DEFB129: variants seen among roughly 807,000 people sequenced by gnomAD.
DEFB129 encodes defensin beta 129, also known as beta-defensin 129.
In DEFB129, 2 loss-of-function variants were observed where a neutral mutation model predicts 2.5. The observed-to-expected ratio is 0.80, with a 90% CI of 0.33 to 2.53. The LOEUF is 2.53. DEFB129 is among the 30% of genes most tolerant of loss of function. The probability of loss-of-function intolerance (pLI) is 0.11; values close to 1 mark genes in which losing one functional copy is unlikely to be tolerated. For missense variants in DEFB129, 177 were observed against 216.9 expected, an observed-to-expected ratio of 0.82 and a Z score of 1.16; for synonymous variants, 76 against 74.4, an observed-to-expected ratio of 1.02 and a Z score of -0.11.
intron 1 of DEFB129, among the ~76,000 whole-genome samples, chr20:228,201 C>G (rs1328800553): frequency 6.6e-6 from 1 of 152,138 alleles, no homozygotes; most frequent in East Asian, 1.9e-4. Flanking sequence ...AATCATCCAG[C>G]TATTTGAAAA....
In DEFB129 at chr20:229,465, G is replaced by A. The variant is rs773131208; in HGVS notation, c.246G>A (p.Met82Ile). Residue 82 changes from methionine to isoleucine, a missense_variant, in exon 2 of 2, where the codon ATG becomes ATA. Coordinates refer to ENST00000246105, the MANE Select transcript of DEFB129 (RefSeq NM_080831.4). ...PNVLNEDVQE[M>I]LKPAKNSSAV... ...TACTTAATGAAGACGTCCAAGAAAT[G>A]CTAAAACCTGCCAAGAATTCTAGTG... 1 of 1,614,112 alleles carries A rather than the reference G, an allele frequency of 6.2e-7. No homozygotes were observed. The highest frequency in any genetic ancestry group is 1.1e-5 in the South Asian group (1 of 91,084).
intron 1 of DEFB129, among the ~76,000 whole-genome samples, 173 bp from the exon 2 acceptor site, chr20:229,105 G>T (rs1410076079): frequency 6.6e-6 from 1 of 152,132 alleles, no homozygotes; most frequent in Non-Finnish European, 1.5e-5. Flanking sequence ...GATTCAAGAG[G>T]GGCATAGAGA....
At chr20:228,513 CT>C (rs1255355310) in intron 1 of DEFB129, among the ~76,000 whole-genome samples, 1 of 152,108 alleles carries the variant, frequency 6.6e-6, no homozygotes, top group Non-Finnish European at 1.5e-5. Context: ...ACATAAATCT[CT>C]TGTAATTTAG....
rs568109542 is a variant in DEFB129, at chr20:229,501, A to G, written c.282A>G (p.Gln94=). ...CCAAGAATTCTAGTGCTGTGATACA[A>G]AGAAAACATATTTTATCTGTTCTCC... ...KPAKNSSAVI[Q]RKHILSVLPQ... is the part of the protein sequence containing the mutation. The change falls in exon 2 of 2, where the codon CAA becomes CAG. Residue 94 remains glutamine (Q), a synonymous_variant. Transcript: ENST00000246105. 1.2e-6 allele frequency: 2 copies of G among 1,614,182 alleles called. No homozygotes were observed. Among genetic ancestry groups the G allele is most frequent in the East Asian group, 4.5e-5 (2 of 44,896 alleles).
intron 1 of DEFB129, among the ~76,000 whole-genome samples, chr20:227,699 T>C (rs1275714346): frequency 1.3e-5 from 2 of 150,222 alleles, no homozygotes; most frequent in African/African-American, 5.1e-5. Context: ...AAGCCCTTTT[T>C]TTTTAAAAAA....
chr20:229,591 T>C lies in DEFB129; in HGVS notation c.372T>C (p.Pro124=), dbSNP rs113202152. The part of the protein sequence containing the change: ...TNFVIIPNAT[P]MNSATISTMT... ...TTGTCATCATTCCAAATGCCACCCC[T>C]ATGAACTCTGCCACCATCAGCACTA... The change falls in exon 2 of 2, where the codon CCT becomes CCC. Residue 124 remains proline, a synonymous_variant. Coordinates refer to ENST00000246105, the MANE Select transcript of DEFB129 (RefSeq NM_080831.4). The C allele has an allele frequency of 6.2e-6, 10 of 1,614,064 alleles. No homozygotes were observed. In the African/African-American group the frequency reaches 1.3e-4, roughly 22 times the overall value.
In DEFB129 at chr20:229,511, A is replaced by T; in HGVS notation, c.292A>T (p.Ile98Phe). The change falls in exon 2 of 2, where the codon ATT becomes TTT. Residue 98 changes from isoleucine to phenylalanine, a missense_variant. Transcript: ENST00000246105. ...TAGTGCTGTGATACAAAGAAAACAT[A>T]TTTTATCTGTTCTCCCCCAAATCAA... ...NSSAVIQRKH[I>F]LSVLPQIKST... 1 of 1,614,036 alleles carries T rather than the reference A, an allele frequency of 6.2e-7. No homozygotes were observed. The highest frequency in any genetic ancestry group is 8.5e-7 in the Non-Finnish European group (1 of 1,179,914).
Position 229,365 on chromosome 20 carries a change from A to G in DEFB129, c.146A>G (p.Lys49Arg). ...NVDEKEIQKC[K>R]MKKCCVGPKV... is the part of the protein sequence containing the mutation. ...GATGAAAAAGAGATACAGAAATGCAAGATGAAAAAATGTTGTGTTGGACCA... is the reference window on the plus strand; with the variant it reads ...GATGAAAAAGAGATACAGAAATGCAGGATGAAAAAATGTTGTGTTGGACCA... Residue 49 changes from lysine to arginine, a missense_variant, in exon 2 of 2, where the codon AAG (lysine) becomes AGG (arginine). By Grantham distance (26) the Lys-to-Arg change is conservative. Transcript: ENST00000246105. 1 of 1,614,202 alleles carries G rather than the reference A, an allele frequency of 6.2e-7. No individual in the cohort carries two copies. The highest frequency in any genetic ancestry group is 2.2e-5 in the East Asian group (1 of 44,888).
At chr20:228,637 C>T (rs756693217) in intron 1 of DEFB129, among the ~76,000 whole-genome samples, 3 of 152,162 alleles carry the variant, frequency 2.0e-5, no homozygotes, top group African/African-American at 2.4e-5. Flanking sequence ...AGATAAGGTA[C>T]TAAGCCGAGC....
chr20:227,707 A>ATTT (rs780439922), intron 1 of DEFB129, among the ~76,000 whole-genome samples: 3,228 of 151,608 alleles, frequency 0.021, 104 homozygotes, highest in African/African-American at 0.074. Context: ...TTTTTTTAAA[A>ATTT]AAAGTCCTGG....
intron 1 of DEFB129, among the ~76,000 whole-genome samples, chr20:228,753 G>T (rs1365818579): frequency 6.6e-6 from 1 of 152,194 alleles, no homozygotes; most frequent in African/African-American, 2.4e-5. Context: ...GTCCAAAGAG[G>T]CTAGAAGAGA....
intron 1 of DEFB129, among the ~76,000 whole-genome samples, chr20:229,013 C>T (rs146929546): frequency 6.6e-6 from 1 of 152,258 alleles, no homozygotes; most frequent in East Asian, 1.9e-4. Flanking sequence ...ATCCTAAAAG[C>T]AAATAATTAC....
In DEFB129 at chr20:229,666, C is replaced by T; in HGVS notation, c.447C>T (p.Thr149=). 4 of 1,614,094 alleles carry T rather than the reference C, an allele frequency of 2.5e-6. No individual in the cohort carries two copies. The highest frequency in any genetic ancestry group is 3.4e-6 in the Non-Finnish European group (4 of 1,180,018). ...CTGCTACTTCTACCAAGAGTAACAC[C>T]AAAGAAAGCAGAGATTCTGCCACTG... ...TYTATSTKSN[T]KESRDSATAS... is the part of the protein sequence containing the mutation. The change falls in exon 2 of 2, where the codon ACC becomes ACT. Residue 149 remains threonine (T), a synonymous_variant. Transcript: ENST00000246105.
rs1303699548 is a variant in DEFB129, at chr20:229,390, A to G, written c.171A>G (p.Pro57=). The stretch of plus-strand genomic sequence containing the variant: ...AGATGAAAAAATGTTGTGTTGGACC[A>G]AAAGTGGTTAAATTGATTAAAAACT... ...KCKMKKCCVG[P]KVVKLIKNYL... Residue 57 remains proline, a synonymous_variant, in exon 2 of 2, where the codon CCA becomes CCG. Coordinates refer to ENST00000246105, the MANE Select transcript of DEFB129 (RefSeq NM_080831.4). 1 of 1,614,216 alleles carries G rather than the reference A, an allele frequency of 6.2e-7. No individual in the cohort carries two copies.
chr20:227,631 T>C (rs2011295898), intron 1 of DEFB129, among the ~76,000 whole-genome samples: 1 of 152,148 alleles, frequency 6.6e-6, no homozygotes. Context: ...CCTGTATATG[T>C]CTATCATGCT....
rs1452236652 is a variant in DEFB129, at chr20:229,603, C to T, written c.384C>T (p.Ala128=). Residue 128 remains alanine (A), a synonymous_variant, in exon 2 of 2, where the codon GCC becomes GCT. Transcript: ENST00000246105. ...CAAATGCCACCCCTATGAACTCTGC[C>T]ACCATCAGCACTATGACCCCAGGAC... ...IIPNATPMNS[A]TISTMTPGQI... 1 of 1,614,002 alleles carries T rather than the reference C, an allele frequency of 6.2e-7. No homozygotes were observed. Among genetic ancestry groups the T allele is most frequent in the Non-Finnish European group, 8.5e-7 (1 of 1,180,020 alleles).
At chr20:227,535 A>G (rs990532244) in intron 1 of DEFB129, among the ~76,000 whole-genome samples, 189 bp downstream of exon 1, 4 of 152,206 alleles carry the variant, frequency 2.6e-5, no homozygotes, top group African/African-American at 9.6e-5. Context: ...GATTGTGTCC[A>G]GTGGAAACAC....
chr20:229,438 T>C lies in DEFB129; in HGVS notation c.219T>C (p.Asn73=). 1 of 1,614,136 alleles carries C rather than the reference T, an allele frequency of 6.2e-7. No individual in the cohort carries two copies. The highest frequency in any genetic ancestry group is 8.5e-7 in the Non-Finnish European group (1 of 1,180,024). The change falls in exon 2 of 2, where the codon AAT becomes AAC. Residue 73 remains asparagine, a synonymous_variant. Transcript: ENST00000246105. The part of the protein sequence containing the change: ...IKNYLQYGTP[N]VLNEDVQEML... ...ACTACCTGCAATATGGAACACCAAA[T>C]GTACTTAATGAAGACGTCCAAGAAA...
rs2011317020 is a variant in DEFB129 at position 229,544 on chromosome 20, A to G, written c.325A>G (p.Ser109Gly). The G allele has an allele frequency of 6.2e-7, 1 of 1,614,220 alleles. No individual in the cohort carries two copies. The highest frequency in any genetic ancestry group is 1.1e-5 in the South Asian group (1 of 91,082). The change falls in exon 2 of 2, where the codon AGC (serine) becomes GGC (glycine). Residue 109 changes from serine to glycine, a missense_variant. Ser to Gly is a moderately conservative substitution (Grantham distance 56). Transcript: ENST00000246105. Reference sequence around the variant, plus strand: ...TGTTCTCCCCCAAATCAAAAGCACTAGCTTTTTTGCTAATACCAACTTTGT... The same window carrying G: ...TGTTCTCCCCCAAATCAAAAGCACTGGCTTTTTTGCTAATACCAACTTTGT... ...LSVLPQIKST[S>G]FFANTNFVII...
Sources: gnomAD v4.1 joint callset for allele counts (sites outside exome capture counted in the v4.1 genomes callset) on GRCh38, gnomAD v4.1.1 for gene constraint, MANE v1.5 for transcripts, NCBI Gene and HGNC (gene_info 2026-07-23, HGNC 2026-07-21) for gene names.